The following CDC42BPB variants were observed in gnomAD, a reference collection of about 807,000 sequenced individuals.
The protein encoded by CDC42BPB is CDC42 binding protein kinase beta.
A neutral mutation model predicts 214.9 loss-of-function variants in CDC42BPB; 37 were observed. That is an observed-to-expected ratio of 0.17 (90% CI 0.13 to 0.23). CDC42BPB has a LOEUF of 0.23. Ranked by LOEUF, CDC42BPB falls within the 10% of genes least tolerant of loss-of-function variation. The pLI is 1.00. For synonymous variants in CDC42BPB, 931 were observed against 884.0 expected, an observed-to-expected ratio of 1.05 and a Z score of -0.94; for missense variants, 1,694 against 2,227.0, an observed-to-expected ratio of 0.76 and a Z score of 4.82.
At chr14:102,962,499 C>G (rs1307154123) in intron 20 of CDC42BPB, among the ~76,000 whole-genome samples, 1 of 152,198 alleles carries the variant, frequency 6.6e-6, no homozygotes, top group East Asian at 1.9e-4. Flanking sequence ...TTTGTGTTAT[C>G]AGGGGATACA....
At chr14:103,030,804 C>T (rs983445652) in intron 1 of CDC42BPB, among the ~76,000 whole-genome samples, 4 of 152,036 alleles carry the variant, frequency 2.6e-5, no homozygotes, top group Non-Finnish European at 4.4e-5. Flanking sequence ...GGCAACATGG[C>T]GAAAGCCCGT....
chr14:103,017,186 A>C (rs1173174241), intron 1 of CDC42BPB, among the ~76,000 whole-genome samples: 1 of 152,152 alleles, frequency 6.6e-6, no homozygotes, highest in Non-Finnish European at 1.5e-5. Context: ...ACCAGGGTGT[A>C]GCGGCACACA....
At position 103,012,091 on chromosome 14, in the gene CDC42BPB, T is replaced by C. The variant is rs748744245; in HGVS notation, c.267+6A>G. 2 of 1,599,094 alleles carry C rather than the reference T, an allele frequency of 1.3e-6. No homozygotes were observed. The highest frequency in any genetic ancestry group is 2.2e-5 in the East Asian group (1 of 44,812). On this transcript the variant is annotated splice_donor_region_variant and intron_variant, in intron 2 of 36. Transcript: ENST00000361246. ...GGCAAAGTTAACAAAATGAAGTTTA[T>C]CTTACCTCACCAAAAGCACCTCTTC...
At chr14:103,013,191 A>G (rs938279460) in intron 1 of CDC42BPB, among the ~76,000 whole-genome samples, 7 of 152,224 alleles carry the variant, frequency 4.6e-5, no homozygotes, top group Non-Finnish European at 8.8e-5. Flanking sequence ...GAGGTGAGTG[A>G]GAGCTGAGCT....
chr14:102,990,262 C>T (rs1206251838), intron 5 of CDC42BPB, among the ~76,000 whole-genome samples: 3 of 152,080 alleles, frequency 2.0e-5, no homozygotes, highest in Non-Finnish European at 2.9e-5. Context: ...CAAAACAAAA[C>T]AAAACAAATC....
chr14:103,046,132 C>A (rs1330817838), intron 1 of CDC42BPB, among the ~76,000 whole-genome samples: 1 of 152,096 alleles, frequency 6.6e-6, no homozygotes, highest in Non-Finnish European at 1.5e-5. Context: ...CGCTTCAAGT[C>A]TGTGGGAGAA....
chr14:103,045,699 A>G (rs901641494), intron 1 of CDC42BPB, among the ~76,000 whole-genome samples: 3 of 152,220 alleles, frequency 2.0e-5, no homozygotes, highest in African/African-American at 7.2e-5. Flanking sequence ...AAGTGTAAGA[A>G]TAGAAACAGC....
intron 2 of CDC42BPB, 57 bp from the exon 3 acceptor site, chr14:103,008,612 G>A (rs1314323988): frequency 1.2e-5 from 19 of 1,587,714 alleles, no homozygotes; most frequent in Admixed American, 1.7e-5. Flanking sequence ...AGGCTAGCAC[G>A]CTGGAGCTAA....
At chr14:102,986,203 G>A in intron 6 of CDC42BPB, 1 of 345,108 alleles carries the variant, frequency 2.9e-6, no homozygotes, top group Non-Finnish European at 5.4e-6. Flanking sequence ...TACAGGGCTG[G>A]CATGCTTTTA....
At chr14:102,986,751 C>T (rs556653661) in intron 5 of CDC42BPB, 171 bp from the exon 6 acceptor site, 5 of 984,844 alleles carry the variant, frequency 5.1e-6, no homozygotes, top group East Asian at 1.1e-4. Context: ...TGGTGGCAGC[C>T]GAAGTCGTAT....
chr14:102,957,318 C>G (rs1481797483), intron 21 of CDC42BPB, among the ~76,000 whole-genome samples: 1 of 152,156 alleles, frequency 6.6e-6, no homozygotes, highest in Non-Finnish European at 1.5e-5. Context: ...TGCCCACTCT[C>G]CACAGCTGTG....
In CDC42BPB at chr14:102,945,663, A is replaced by G; in HGVS notation, c.3810T>C (p.Asp1270=). The G allele has an allele frequency of 1.2e-6, 2 of 1,612,342 alleles. No individual in the cohort carries two copies. The highest frequency in any genetic ancestry group is 1.3e-5 in the African/African-American group (1 of 74,994). ...GCTGGAAACGCCCTGCTCACTCACC[A>G]TCTCGGGTGACCTCTATGACATAGA... is the stretch of plus-strand genomic sequence containing the variant. ...EGLYVIEVTR[D]VIVRAADCKK... The change falls in exon 29 of 37, where the codon GAT becomes GAC. Residue 1270 remains aspartate, a splice_region_variant and synonymous_variant. Coordinates refer to ENST00000361246, the MANE Select transcript of CDC42BPB (RefSeq NM_006035.4).
At chr14:103,035,271 G>T (rs1887603877) in intron 1 of CDC42BPB, among the ~76,000 whole-genome samples, 1 of 151,966 alleles carries the variant, frequency 6.6e-6, no homozygotes, top group Non-Finnish European at 1.5e-5. Flanking sequence ...CGGTCAGGCT[G>T]GTCTCAAACT....
intron 20 of CDC42BPB, among the ~76,000 whole-genome samples, 165 bp downstream of exon 20, chr14:102,962,896 A>G (rs1893026553): frequency 6.6e-6 from 1 of 152,224 alleles, no homozygotes; most frequent in Non-Finnish European, 1.5e-5. Flanking sequence ...CCTTTGGGGA[A>G]AATATATTTG....
chr14:102,987,269 A>G (rs1167686014), intron 5 of CDC42BPB, among the ~76,000 whole-genome samples: 3 of 152,250 alleles, frequency 2.0e-5, no homozygotes, highest in South Asian at 4.1e-4. Context: ...GGTCTGTCCC[A>G]CTAACGCCTG....
In CDC42BPB at chr14:102,939,952, A is replaced by C. The variant is rs1891814795; in HGVS notation, c.4592-5T>G. Reference sequence around the variant, plus strand: ...CCGGCACGTTGAGAACCGCTCCTGCAGAAGCAGAGCGCGCGGTGACGGTGC... The same window carrying C: ...CCGGCACGTTGAGAACCGCTCCTGCCGAAGCAGAGCGCGCGGTGACGGTGC... On this transcript the variant is annotated splice_polypyrimidine_tract_variant and splice_region_variant and intron_variant, in intron 32 of 36. Transcript: ENST00000361246. 6.2e-7 allele frequency: 1 copy of C among 1,613,790 alleles called. No individual in the cohort carries two copies. Among genetic ancestry groups the C allele is most frequent in the African/African-American group, 1.3e-5 (1 of 74,952 alleles).
chr14:102,944,638 C>T lies in CDC42BPB; in HGVS notation c.3812-151G>A, dbSNP rs1892066374. On this transcript the variant is annotated intron_variant, in intron 29 of 36. Transcript: ENST00000361246. This position sits in a 1 kb window ranked among gnomAD's most constrained non-coding sequence, Gnocchi z 6.6. Reference sequence around the variant, plus strand: ...CACAGCCTGAGCCCGGCCCTGAGCCCGTCTCTGCCCACAGAGCCAGTGGCT... The same window carrying T: ...CACAGCCTGAGCCCGGCCCTGAGCCTGTCTCTGCCCACAGAGCCAGTGGCT... 7 of 1,443,626 alleles carry T rather than the reference C, an allele frequency of 4.8e-6. No homozygotes were observed. Among genetic ancestry groups the T allele is most frequent in the South Asian group, 4.6e-5 (3 of 65,096 alleles). 89.4% of individuals were successfully genotyped at this position (1,443,626 alleles called of 1,614,324 possible). A position where few individuals can be genotyped will look rare whatever the true frequency, so the allele number is the denominator to read the frequency against.
intron 8 of CDC42BPB, chr14:102,978,472 G>C (rs1170695453): frequency 6.7e-6 from 2 of 299,284 alleles, no homozygotes; most frequent in Non-Finnish European, 9.9e-6. Flanking sequence ...CCGTCACCAG[G>C]TTAGTGATTT....
At chr14:102,993,263 G>A (rs892465546) in intron 5 of CDC42BPB, among the ~76,000 whole-genome samples, 4 of 152,002 alleles carry the variant, frequency 2.6e-5, no homozygotes, top group African/African-American at 7.3e-5. Context: ...TATATACTAC[G>A]TTCACTTCCC....
Sources: allele counts gnomAD v4.1 joint callset (sites outside exome capture counted in the v4.1 genomes callset), GRCh38; gene constraint gnomAD v4.1.1; non-coding constraint Gnocchi (gnomAD v3.1); transcripts MANE v1.5; gene names NCBI Gene and HGNC (gene_info 2026-07-23, HGNC 2026-07-21).